The following IGF1R variants were observed in gnomAD, a reference collection of about 807,000 sequenced individuals.
IGF1R encodes insulin-like growth factor 1 receptor.
IGF1R carries 44 observed loss-of-function variants against 144.6 expected under a neutral mutation model. The ratio of observed to expected loss-of-function variants is 0.30; its 90% confidence interval spans 0.24 to 0.39. The LOEUF (loss-of-function observed/expected upper bound fraction) is 0.39, where lower values mean the gene tolerates loss of function less well. Among genes scored for constraint, IGF1R ranks in the 10% least tolerant of loss-of-function variants. The pLI is 1.00. For synonymous variants in IGF1R, 795 were observed against 722.8 expected (o/e 1.10, Z -1.60); for missense variants, 1,355 against 1,833.7 (o/e 0.74, Z 4.77).
chr15:98,911,277 T>G (rs1567193447), intron 6 of IGF1R, 38 bp from the exon 7 acceptor site: 1 of 1,613,548 alleles, frequency 6.2e-7, no homozygotes, highest in Non-Finnish European at 8.5e-7. Flanking sequence ...CAGAGACACA[T>G]GAATCTCTGT....
intron 2 of IGF1R, among the ~76,000 whole-genome samples, chr15:98,759,529 C>T (rs1189667305): frequency 3.9e-5 from 6 of 152,220 alleles, no homozygotes; most frequent in Non-Finnish European, 4.4e-5. Context: ...TGTATTATTG[C>T]AGTGAGATAC....
intron 2 of IGF1R, among the ~76,000 whole-genome samples, chr15:98,801,237 CAT>C (rs1453606002): frequency 6.6e-6 from 1 of 152,194 alleles, no homozygotes; most frequent in Non-Finnish European, 1.5e-5. Context: ...CTGGGGTCCA[CAT>C]GTGCCAGTCT....
intron 2 of IGF1R, among the ~76,000 whole-genome samples, chr15:98,711,961 AT>A (rs896170284): frequency 6.6e-6 from 1 of 151,588 alleles, no homozygotes; most frequent in African/African-American, 2.4e-5. Context: ...GGGGCGAGGG[AT>A]TTTTTTTCTG....
intron 2 of IGF1R, among the ~76,000 whole-genome samples, chr15:98,762,425 T>C (rs1042538290): frequency 7.2e-5 from 11 of 152,136 alleles, no homozygotes; most frequent in Admixed American, 2.0e-4. Flanking sequence ...TGAAAAAATA[T>C]TTCAAAAATA....
intron 2 of IGF1R, among the ~76,000 whole-genome samples, chr15:98,852,307 C>G (rs1023770548): frequency 6.6e-6 from 1 of 152,066 alleles, no homozygotes; most frequent in African/African-American, 2.4e-5. Flanking sequence ...CGCGCGCGCC[C>G]CACCCCGCCC....
rs376812238 is a variant in IGF1R at position 98,933,916 on chromosome 15, C to T, written c.2957-908C>T. On this transcript the variant is annotated intron_variant, in intron 15 of 20. Coordinates refer to ENST00000650285, the MANE Select transcript of IGF1R (RefSeq NM_000875.5). ...AAGCCAAGGCTGGGGGACACTTGGA[C>T]TAGAGTAATCCTACCAATAATGCAG... is the stretch of plus-strand genomic sequence containing the variant. Among the ~76,000 whole-genome samples the T allele has an allele frequency of 2.0e-5, 3 of 152,180 alleles. No individual in the cohort carries two copies. The East Asian group carries it at 5.8e-4, about 29-fold the overall frequency.
chr15:98,909,707 C>G (rs555306150), intron 6 of IGF1R, among the ~76,000 whole-genome samples: 2 of 152,240 alleles, frequency 1.3e-5, no homozygotes, highest in Non-Finnish European at 2.9e-5. Flanking sequence ...GTCCCTTACA[C>G]TCGGCCGCCT....
chr15:98,707,699 C>G lies in IGF1R; in HGVS notation c.232C>G (p.Leu78Val). Residue 78 changes from leucine to valine, a missense_variant, in exon 2 of 21, where the codon CTC becomes GTC. Transcript: ENST00000650285. This position sits in a 1 kb window ranked among gnomAD's most constrained non-coding sequence, Gnocchi z 6.7. Reference sequence around the variant, plus strand: ...CTACCGCAGCTACCGCTTCCCCAAGCTCACGGTCATTACCGAGTACTTGCT... The same window carrying G: ...CTACCGCAGCTACCGCTTCCCCAAGGTCACGGTCATTACCGAGTACTTGCT... ...EDYRSYRFPK[L>V]TVITEYLLLF... The G allele has an allele frequency of 6.2e-7, 1 of 1,614,190 alleles. No homozygotes were observed. The highest frequency in any genetic ancestry group is 8.5e-7 in the Non-Finnish European group (1 of 1,180,036).
intron 2 of IGF1R, among the ~76,000 whole-genome samples, chr15:98,856,746 A>G (rs2011841327): frequency 6.6e-6 from 1 of 152,240 alleles, no homozygotes; most frequent in South Asian, 2.1e-4. Flanking sequence ...CAAAAATTTA[A>G]GCATCTGTTT....
chr15:98,761,370 G>A (rs1383963717), intron 2 of IGF1R, among the ~76,000 whole-genome samples: 1 of 152,240 alleles, frequency 6.6e-6, no homozygotes, highest in Non-Finnish European at 1.5e-5. Flanking sequence ...ACTGAGAAAG[G>A]GGAAAGTGCT....
chr15:98,677,003 A>G (rs775594424), intron 1 of IGF1R, among the ~76,000 whole-genome samples: 1 of 152,014 alleles, frequency 6.6e-6, no homozygotes, highest in Non-Finnish European at 1.5e-5. Context: ...TGGTGCGGTC[A>G]TGACTCACTG....
chr15:98,745,684 T>C (rs1041730477), intron 2 of IGF1R, among the ~76,000 whole-genome samples: 2 of 152,238 alleles, frequency 1.3e-5, no homozygotes, highest in Non-Finnish European at 2.9e-5. Flanking sequence ...TTCAAATTCA[T>C]CTTTGGAGAA....
intron 2 of IGF1R, among the ~76,000 whole-genome samples, chr15:98,800,996 A>G (rs200872439): frequency 6.5e-5 from 4 of 61,192 alleles, no homozygotes; most frequent in Non-Finnish European, 2.1e-4. Flanking sequence ...AACACGAAGC[A>G]TGTGTGTGCA....
At chr15:98,888,053 A>G (rs1036810090) in intron 2 of IGF1R, among the ~76,000 whole-genome samples, 32 of 152,270 alleles carry the variant, frequency 2.1e-4, no homozygotes, top group African/African-American at 7.2e-4. Context: ...ACAAGCATTT[A>G]CATGTGATGT....
Position 98,706,843 on chromosome 15 carries a change from T to C in IGF1R, c.95-719T>C, listed in dbSNP as rs574731980. Among the ~76,000 whole-genome samples, 181 of 152,014 alleles carry C rather than the reference T, an allele frequency of 1.2e-3. 1 individual carries two copies. The highest frequency in any genetic ancestry group is 4.2e-3 in the African/African-American group (174 of 41,492). On this transcript the variant is annotated intron_variant, in intron 1 of 20. Coordinates refer to ENST00000650285, the MANE Select transcript of IGF1R (RefSeq NM_000875.5). The stretch of plus-strand genomic sequence containing the variant: ...TTTTTACTGGTTTTTTTTTTTTGGT[T>C]ATTACCTCTAAACTCTGTAGGAAGC...
chr15:98,780,484 G>A (rs936212436), intron 2 of IGF1R, among the ~76,000 whole-genome samples: 1 of 149,940 alleles, frequency 6.7e-6, no homozygotes, highest in African/African-American at 2.5e-5. Context: ...GGGAGGTGGA[G>A]GTTGTGGAGA....
rs1026918462 is a variant in IGF1R at position 98,959,363 on chromosome 15, C to G, written c.*1921C>G. The G allele has an allele frequency of 8.6e-6, 2 of 233,742 alleles. No individual in the cohort carries two copies. The highest frequency in any genetic ancestry group is 1.7e-5 in the Non-Finnish European group (2 of 118,050). 14.5% of individuals were successfully genotyped at this position (233,742 alleles called of 1,614,324 possible). A position where few individuals can be genotyped will look rare whatever the true frequency, so the allele number is the denominator to read the frequency against. ...CGTGGTCCGGCAGGGCCTGTTGTGGCCCTCGCCACCCCCCTCACCGGACCG... is the reference window on the plus strand; with the variant it reads ...CGTGGTCCGGCAGGGCCTGTTGTGGGCCTCGCCACCCCCCTCACCGGACCG... On this transcript the variant is annotated 3_prime_UTR_variant, in exon 21 of 21. Coordinates refer to ENST00000650285, the MANE Select transcript of IGF1R (RefSeq NM_000875.5).
intron 2 of IGF1R, among the ~76,000 whole-genome samples, chr15:98,858,069 A>T (rs1446388538): frequency 6.6e-6 from 1 of 152,254 alleles, no homozygotes; most frequent in Non-Finnish European, 1.5e-5. Flanking sequence ...CAGCGGATTC[A>T]AGCGTTAAGG....
At chr15:98,909,261 CTT>C (rs752298130) in intron 6 of IGF1R, among the ~76,000 whole-genome samples, 2,641 of 91,072 alleles carry the variant, frequency 0.029, 106 homozygotes, top group African/African-American at 0.13. Flanking sequence ...CTTTTTTTTT[CTT>C]TTTTTTTTTT....
Sources: gnomAD v4.1 joint callset for allele counts (sites outside exome capture counted in the v4.1 genomes callset) on GRCh38, gnomAD v4.1.1 for gene constraint, Gnocchi (gnomAD v3.1) non-coding constraint, MANE v1.5 for transcripts, NCBI Gene and HGNC (gene_info 2026-07-23, HGNC 2026-07-21) for gene names.